The following ZNF701 variants were observed in gnomAD, a reference collection of about 807,000 sequenced individuals.
The protein encoded by ZNF701 is zinc finger protein 701.
In ZNF701, 6 loss-of-function variants were observed where a neutral mutation model predicts 7.1. The ratio of observed to expected loss-of-function variants is 0.84; its 90% CI spans 0.46 to 1.66. ZNF701 has a LOEUF of 1.66. ZNF701 is among the 40% of genes most tolerant of loss of function. The probability of loss-of-function intolerance (pLI) is 0.01; values close to 1 mark genes in which losing one functional copy is unlikely to be tolerated. For missense variants in ZNF701, 541 were observed against 559.2 expected, an observed-to-expected ratio of 0.97 and a Z score of 0.33; for synonymous variants, 166 against 188.2, an observed-to-expected ratio of 0.88 and a Z score of 0.97.
chr19:52,585,938 A>G lies in ZNF701; in HGVS notation c.*2481A>G, dbSNP rs1420865577. The stretch of plus-strand genomic sequence containing the variant: ...TGATCCTTTGTTACTTTGGGTGGGA[A>G]GATGGGGTTTTTCCTTTTAGTCTAG... On this transcript the variant is annotated 3_prime_UTR_variant, in exon 4 of 4. Coordinates refer to ENST00000391785, the MANE Select transcript of ZNF701 (RefSeq NM_018260.3). 3 of 152,244 alleles carry G rather than the reference A, an allele frequency of 2.0e-5. No individual in the cohort carries two copies. Among genetic ancestry groups the G allele is most frequent in the African/African-American group, 7.2e-5 (3 of 41,436 alleles). The allele number at this position is 152,244 out of a possible 1,614,324, so 9.4% of individuals were successfully genotyped here. A position where few individuals can be genotyped will look rare whatever the true frequency, so the allele number is the denominator to read the frequency against.
intron 2 of ZNF701, among the ~76,000 whole-genome samples, chr19:52,575,058 C>T (rs2059924367): frequency 6.6e-6 from 1 of 152,230 alleles, no homozygotes; most frequent in Admixed American, 6.5e-5. Flanking sequence ...GAAGCTCCGC[C>T]TCCCAGGTTT....
In ZNF701 at chr19:52,583,569, T is replaced by G. The variant is rs2059990947; in HGVS notation, c.*112T>G. On this transcript the variant is annotated 3_prime_UTR_variant, in exon 4 of 4. Transcript: ENST00000391785. ...GAAGAATGTGACAAAAGTTTTCAAT[T>G]TCAAATCACTCCTTGAAATACATAG... The G allele has an allele frequency of 6.7e-7, 1 of 1,494,092 alleles. No individual in the cohort carries two copies. The highest frequency in any genetic ancestry group is 1.7e-5 in the Admixed American group (1 of 59,080). 92.6% of individuals were successfully genotyped at this position (1,494,092 alleles called of 1,614,324 possible). A position where few individuals can be genotyped will look rare whatever the true frequency, so the allele number is the denominator to read the frequency against.
rs567277058 is a variant in ZNF701, at chr19:52,580,195, G to A, written c.143-2007G>A. ...CCTGACCTTGTGATCCATCCACCTC[G>A]GCCTCCCAGAGTGCTGGGATTACAG... On this transcript the variant is annotated intron_variant, in intron 3 of 3. Coordinates refer to ENST00000391785, the MANE Select transcript of ZNF701 (RefSeq NM_018260.3). Among the ~76,000 whole-genome samples, 48 of 128,058 alleles carry A rather than the reference G, an allele frequency of 3.7e-4. 10 individuals carry two copies. Among genetic ancestry groups the A allele is most frequent in the African/African-American group, 1.8e-3 (42 of 23,486 alleles). The allele number at this position is 128,058 out of a possible 152,430, so 84.0% of individuals were successfully genotyped here.
At chr19:52,587,599 C>T (rs2060019830), downstream of ZNF701, among the ~76,000 whole-genome samples, 1 of 152,186 alleles carries the variant, frequency 6.6e-6, no homozygotes, top group African/African-American at 2.4e-5. Context: ...GTCCATGTTG[C>T]CTGTTCTGTG....
At chr19:52,598,545 G>A in the ZNF701 span, 1 of 152,058 alleles carries the variant, frequency 6.6e-6, no homozygotes, top group Admixed American at 6.6e-5. Context: ...AGTGGATAAT[G>A]GAAACTGAAA....
chr19:52,586,698 G>A lies in ZNF701; in HGVS notation c.*3241G>A, dbSNP rs141001612. The stretch of plus-strand genomic sequence containing the variant: ...GAAACGTCCCCCGCTGTGAACCTCA[G>A]TGAGCCCACCTGTAATATACAGGTG... On this transcript the variant is annotated 3_prime_UTR_variant, in exon 4 of 4. Coordinates refer to ENST00000391785, the MANE Select transcript of ZNF701 (RefSeq NM_018260.3). 1 of 152,162 alleles carries A rather than the reference G, an allele frequency of 6.6e-6. No individual in the cohort carries two copies. Among genetic ancestry groups the A allele is most frequent in the Admixed American group, 6.5e-5 (1 of 15,276 alleles). The allele number at this position is 152,162 out of a possible 1,614,324, so 9.4% of individuals were successfully genotyped here.
At chr19:52,594,683 C>T in the ZNF701 span, among the ~76,000 whole-genome samples, 68,157 of 151,556 alleles carry the variant, frequency 0.45, 15,404 homozygotes, top group African/African-American at 0.51. Context: ...CCGGCTATTT[C>T]TGTATTTTTA....
chr19:52,595,785 T>C, the ZNF701 span: 12 of 1,601,818 alleles, frequency 7.5e-6, no homozygotes, highest in Non-Finnish European at 1.0e-5. Context: ...TGGCAAGAAA[T>C]TTAAAGAAAT....
chr19:52,597,569 G>A, the ZNF701 span: 1 of 363,578 alleles, frequency 2.8e-6, no homozygotes. Context: ...GGGCCAGGTG[G>A]GGTGGCTCAT....
chr19:52,588,039 A>C (rs1450017435), downstream of ZNF701, among the ~76,000 whole-genome samples: 1 of 152,196 alleles, frequency 6.6e-6, no homozygotes, highest in Non-Finnish European at 1.5e-5. Context: ...CAAAATCCAA[A>C]AACAAGTCAA....
At chr19:52,594,081 C>T in the ZNF701 span, 2 of 128,714 alleles carry the variant, frequency 1.6e-5, no homozygotes, top group South Asian at 4.2e-4. Flanking sequence ...CTTGGGAGGC[C>T]GAGGCTGGCG....
the ZNF701 span, chr19:52,596,247 C>G: frequency 2.0e-6 from 1 of 491,580 alleles, no homozygotes; most frequent in African/African-American, 2.0e-5. Flanking sequence ...CAATACCTTG[C>G]ATGGCACCAT....
chr19:52,576,489 G>A (rs2059935118), intron 3 of ZNF701, among the ~76,000 whole-genome samples: 1 of 152,028 alleles, frequency 6.6e-6, no homozygotes, highest in African/African-American at 2.4e-5. Context: ...TCCAGTGACT[G>A]AGAACACACC....
chr19:52,583,557 A>G lies in ZNF701; in HGVS notation c.*100A>G, dbSNP rs970600083. Reference sequence around the variant, plus strand: ...CCTTACAAATGTGAAGAATGTGACAAAAGTTTTCAATTTCAAATCACTCCT... The same window carrying G: ...CCTTACAAATGTGAAGAATGTGACAGAAGTTTTCAATTTCAAATCACTCCT... On this transcript the variant is annotated 3_prime_UTR_variant, in exon 4 of 4. Transcript: ENST00000391785. 1.3e-5 allele frequency: 20 copies of G among 1,560,804 alleles called. No individual in the cohort carries two copies. In the African/African-American group the frequency reaches 2.0e-4, roughly 16 times the overall value.
At chr19:52,576,266 C>T (rs534734790) in intron 3 of ZNF701, among the ~76,000 whole-genome samples, 1 of 152,194 alleles carries the variant, frequency 6.6e-6, no homozygotes, top group African/African-American at 2.4e-5. Flanking sequence ...GCAGGCCAGG[C>T]GTGGTGGCTC....
chr19:52,583,116 C>T lies in ZNF701; in HGVS notation c.1057C>T (p.Pro353Ser). 2 of 1,613,584 alleles carry T rather than the reference C, an allele frequency of 1.2e-6. No individual in the cohort carries two copies. The highest frequency in any genetic ancestry group is 1.7e-6 in the Non-Finnish European group (2 of 1,179,812). Residue 353 changes from proline to serine, a missense_variant, in exon 4 of 4, where the codon CCA (proline) becomes TCA (serine). Physicochemically the swap from Pro to Ser is moderately conservative, Grantham distance 74 (BLOSUM62 -1). Transcript: ENST00000391785. Reference protein sequence around the residue: ...RHRRIHTGEKPYKCKVCDKAF... With the variant: ...RHRRIHTGEKSYKCKVCDKAF... ...TAGGAGAATTCACACTGGAGAGAAA[C>T]CATACAAATGTAAGGTTTGTGACAA...
chr19:52,572,768 C>G (rs1181444097), intron 1 of ZNF701: 1 of 390,174 alleles, frequency 2.6e-6, no homozygotes, highest in African/African-American at 2.1e-5. Context: ...AGCCCTGTGT[C>G]CAGGGCCCCT....
intron 3 of ZNF701, among the ~76,000 whole-genome samples, 182 bp from the exon 4 acceptor site, chr19:52,582,020 T>C (rs454950): frequency 0.12 from 18,344 of 152,212 alleles, 2,808 homozygotes; most frequent in African/African-American, 0.36. Context: ...TAAAAATGAT[T>C]TGAAGCACAT....
At chr19:52,596,251 G>A in the ZNF701 span, 21 of 482,028 alleles carry the variant, frequency 4.4e-5, 1 homozygote, top group East Asian at 9.3e-4. Context: ...ACCTTGCATG[G>A]CACCATAGTG....
Sources: allele counts gnomAD v4.1 joint callset (sites outside exome capture counted in the v4.1 genomes callset), GRCh38; gene constraint gnomAD v4.1.1; transcripts MANE v1.5; gene names NCBI Gene and HGNC (gene_info 2026-07-23, HGNC 2026-07-21).